Variants in PIK3R1 observed in about 807,000 individuals in gnomAD.
The protein encoded by PIK3R1 is phosphoinositide-3-kinase regulatory subunit 1, also known as phosphatidylinositol 3-kinase regulatory subunit alpha.
PIK3R1 carries 29 observed loss-of-function variants against 98.0 expected under a neutral mutation model. That is an observed-to-expected ratio of 0.30 (90% CI 0.22 to 0.40). PIK3R1 has a LOEUF of 0.40. Ranked by LOEUF, PIK3R1 falls within the 10% of genes least tolerant of loss-of-function variation. PIK3R1 has a pLI of 1.00. For missense variants in PIK3R1, 596 were observed against 872.7 expected, an observed-to-expected ratio of 0.68 and a Z score of 3.99; for synonymous variants, 282 against 311.8, an observed-to-expected ratio of 0.90 and a Z score of 1.01.
At position 68,294,860 on chromosome 5, in the gene PIK3R1, A is replaced by G. The variant is rs551501281; in HGVS notation, c.1568+182A>G. On this transcript the variant is annotated intron_variant, in intron 12 of 15. Coordinates refer to ENST00000521381, the MANE Select transcript of PIK3R1 (RefSeq NM_181523.3). ...AGCATTGGGAGATATACCTAATGCT[A>G]GATGACGAGTTAGTGGGTGCGGCGC... Among the ~76,000 whole-genome samples, 5 of 152,266 alleles carry G rather than the reference A, an allele frequency of 3.3e-5. No homozygotes were observed. In the South Asian group the frequency reaches 1.0e-3, roughly 32 times the overall value.
intron 2 of PIK3R1, among the ~76,000 whole-genome samples, chr5:68,230,994 G>A (rs1299534114): frequency 2.0e-5 from 3 of 152,074 alleles, no homozygotes; most frequent in Non-Finnish European, 2.9e-5. Context: ...CTCAGATCCT[G>A]GCATCCCATC....
At chr5:68,290,851 A>AC in intron 7 of PIK3R1, 3 of 1,536,446 alleles carry the variant, frequency 2.0e-6, no homozygotes, top group Non-Finnish European at 2.7e-6. Flanking sequence ...CTGCAGTATT[A>AC]TTGTAGAGAG....
chr5:68,281,115 A>C (rs377093695), intron 7 of PIK3R1, 109 bp downstream of exon 7: 5 of 686,362 alleles, frequency 7.3e-6, no homozygotes, highest in African/African-American at 3.6e-5. Context: ...ATGGAATTAC[A>C]GTTGGTAGTA....
At position 68,294,312 on chromosome 5, in the gene PIK3R1, C is replaced by A. The variant is rs10461539; in HGVS notation, c.1426-224C>A. 0.012 allele frequency among the ~76,000 whole-genome samples: 1,894 copies of A among 152,280 alleles called. 91 individuals carry two copies. The highest frequency in any genetic ancestry group is 0.085 in the Admixed American group (1,304 of 15,290). ...ACAGGGATGCTATAAACTACAATAGCTTTTAAGAAGATAAAAACTATAGGA... is the reference window on the plus strand; with the variant it reads ...ACAGGGATGCTATAAACTACAATAGATTTTAAGAAGATAAAAACTATAGGA... On this transcript the variant is annotated intron_variant, in intron 11 of 15. Coordinates refer to ENST00000521381, the MANE Select transcript of PIK3R1 (RefSeq NM_181523.3).
intron 1 of PIK3R1, among the ~76,000 whole-genome samples, chr5:68,218,343 G>C (rs1743975217): frequency 6.6e-6 from 1 of 151,970 alleles, no homozygotes; most frequent in Admixed American, 6.6e-5. Flanking sequence ...AAAAGTTTTG[G>C]CCATTTCTTT....
chr5:68,298,791 ATGT>A lies in PIK3R1; in HGVS notation c.*1195_*1197del, dbSNP rs1421824835. 3 of 226,878 alleles carry A rather than the reference ATGT, an allele frequency of 1.3e-5. No individual in the cohort carries two copies. The highest frequency in any genetic ancestry group is 2.2e-5 in the African/African-American group (1 of 44,842). 14.1% of individuals were successfully genotyped at this position (226,878 alleles called of 1,614,324 possible). ...TGACAAAGTATTGCTGAGTCCAACA[ATGT>A]TGTTTTAAGACTCTTAAAATACGGT... On this transcript the variant is annotated 3_prime_UTR_variant, in exon 16 of 16. Coordinates refer to ENST00000521381, the MANE Select transcript of PIK3R1 (RefSeq NM_181523.3).
chr5:68,247,777 T>G (rs1457179993), intron 2 of PIK3R1, among the ~76,000 whole-genome samples: 1 of 152,116 alleles, frequency 6.6e-6, no homozygotes, highest in African/African-American at 2.4e-5. Context: ...CATTCCAGCC[T>G]CTGAAATCCA....
At chr5:68,238,352 A>G (rs1744742826) in intron 2 of PIK3R1, among the ~76,000 whole-genome samples, 1 of 152,204 alleles carries the variant, frequency 6.6e-6, no homozygotes, top group South Asian at 2.1e-4. Flanking sequence ...CTACTGAACC[A>G]TGTCCATCTA....
intron 2 of PIK3R1, 25 bp from the exon 3 acceptor site, chr5:68,273,364 CA>C: frequency 6.3e-7 from 1 of 1,597,674 alleles, no homozygotes; most frequent in Non-Finnish European, 8.6e-7. Context: ...AAATTAAATA[CA>C]ATGGTGGGAT....
At chr5:68,279,758 C>T in intron 5 of PIK3R1, 25 bp downstream of exon 5, 4 of 1,611,010 alleles carry the variant, frequency 2.5e-6, no homozygotes, top group Non-Finnish European at 3.4e-6. Context: ...TTCTGGGAAC[C>T]TCATTGAACA....
At position 68,301,390 on chromosome 5, in the gene PIK3R1, GTGTATATATATATATATATATATATA is replaced by G. The variant is rs1407808912; in HGVS notation, c.*3791_*3816del. ...TATGTGTGTGTGTGTGTGTGTGTGT[GTGTATATATATATATATATATATATA>G]TATATATATATATATATGTGTGTGT... is the stretch of plus-strand genomic sequence containing the variant. On this transcript the variant is annotated 3_prime_UTR_variant, in exon 16 of 16. Transcript: ENST00000521381. 5.6e-5 allele frequency: 2 copies of G among 35,562 alleles called. No homozygotes were observed. Among genetic ancestry groups the G allele is most frequent in the Admixed American group, 4.1e-4 (1 of 2,434 alleles). The allele number at this position is 35,562 out of a possible 1,614,324, so 2.2% of individuals were successfully genotyped here.
chr5:68,256,963 T>C (rs375842830), intron 2 of PIK3R1, among the ~76,000 whole-genome samples: 4 of 152,112 alleles, frequency 2.6e-5, no homozygotes, highest in Non-Finnish European at 4.4e-5. Context: ...TGTCTCAGGG[T>C]GTGGCCACTC....
At chr5:68,258,507 G>A (rs1238632682) in intron 2 of PIK3R1, among the ~76,000 whole-genome samples, 6 of 152,142 alleles carry the variant, frequency 3.9e-5, no homozygotes, top group Non-Finnish European at 8.8e-5. Context: ...TATCAGACAT[G>A]TTAATGACCA....
At chr5:68,238,256 C>G (rs952295987) in intron 2 of PIK3R1, among the ~76,000 whole-genome samples, 2 of 152,140 alleles carry the variant, frequency 1.3e-5, no homozygotes, top group African/African-American at 4.8e-5. Context: ...AACTAGCACC[C>G]AAGTGGATCC....
At chr5:68,286,445 A>G (rs545213062) in intron 7 of PIK3R1, among the ~76,000 whole-genome samples, 2 of 152,360 alleles carry the variant, frequency 1.3e-5, no homozygotes, top group African/African-American at 4.8e-5. Flanking sequence ...CATACGAAAT[A>G]TACAGAAAGT....
chr5:68,286,460 G>T (rs1284572022), intron 7 of PIK3R1, among the ~76,000 whole-genome samples: 2 of 152,146 alleles, frequency 1.3e-5, no homozygotes, highest in Non-Finnish European at 2.9e-5. Context: ...GAAAGTTGAT[G>T]GTTTTCTCCC....
intron 8 of PIK3R1, 66 bp downstream of exon 8, chr5:68,292,427 T>C: frequency 6.8e-7 from 1 of 1,479,056 alleles, no homozygotes. Flanking sequence ...ACCAGCTTGC[T>C]AAGTTCCATT....
At chr5:68,280,327 T>G (rs1746775770) in intron 5 of PIK3R1, 5 of 584,604 alleles carry the variant, frequency 8.6e-6, no homozygotes, top group Non-Finnish European at 1.5e-5. Flanking sequence ...CTTTTTGCAT[T>G]TCCATTTGAC....
rs951859898 is a variant in PIK3R1, at chr5:68,269,494, T to G, written c.335-3896T>G. Among the ~76,000 whole-genome samples, 6 of 152,328 alleles carry G rather than the reference T, an allele frequency of 3.9e-5. No homozygotes were observed. In the East Asian group the frequency reaches 1.2e-3, roughly 29 times the overall value. ...CATCTTTTTGTTTTTAGTACTATTATTTTTTGGTTTATCAAACTTTGTAAC... is the reference window on the plus strand; with the variant it reads ...CATCTTTTTGTTTTTAGTACTATTAGTTTTTGGTTTATCAAACTTTGTAAC... On this transcript the variant is annotated intron_variant, in intron 2 of 15. Coordinates refer to ENST00000521381, the MANE Select transcript of PIK3R1 (RefSeq NM_181523.3).
Sources: gnomAD v4.1 joint callset for allele counts (sites outside exome capture counted in the v4.1 genomes callset) on GRCh38, gnomAD v4.1.1 for gene constraint, MANE v1.5 for transcripts, NCBI Gene and HGNC (gene_info 2026-07-23, HGNC 2026-07-21) for gene names.